The following TANK variants were observed in gnomAD, a reference collection of about 807,000 sequenced individuals.
TANK encodes the protein TRAF family member-associated NF-kappa-B activator.
In TANK, 15 loss-of-function variants were observed where a neutral mutation model predicts 43.6. That is an observed-to-expected ratio of 0.34 (90% CI 0.23 to 0.53). The LOEUF is 0.53. Among genes scored for constraint, TANK ranks in the 20% least tolerant of loss-of-function variants. TANK has a pLI of 0.94. For missense variants in TANK, 417 were observed against 498.6 expected (o/e 0.84, Z 1.56); for synonymous variants, 162 against 178.2 (o/e 0.91, Z 0.73).
intron 2 of TANK, among the ~76,000 whole-genome samples, chr2:161,185,352 T>A (rs1574001348): frequency 1.3e-5 from 2 of 151,868 alleles, no homozygotes; most frequent in East Asian, 3.9e-4. Context: ...TTAAGTTGAG[T>A]GGGAAGGGCA....
intron 2 of TANK, among the ~76,000 whole-genome samples, chr2:161,184,738 C>A (rs539014584): frequency 2.6e-5 from 4 of 152,090 alleles, no homozygotes; most frequent in African/African-American, 9.6e-5. Flanking sequence ...TGACTGAAAC[C>A]AAGGATGGAT....
chr2:161,199,854 G>A (rs779252644), intron 2 of TANK, among the ~76,000 whole-genome samples: 11 of 152,136 alleles, frequency 7.2e-5, no homozygotes, highest in Non-Finnish European at 1.5e-4. Context: ...GACCAGCCTG[G>A]GCAGCATAGT....
At chr2:161,193,713 G>C (rs778602536) in intron 2 of TANK, among the ~76,000 whole-genome samples, 2 of 152,196 alleles carry the variant, frequency 1.3e-5, no homozygotes, top group Non-Finnish European at 2.9e-5. Flanking sequence ...CAGTGAGAAG[G>C]GGAAGAGAAG....
intron 2 of TANK, among the ~76,000 whole-genome samples, chr2:161,198,273 C>T (rs1408628554): frequency 6.6e-6 from 1 of 152,244 alleles, no homozygotes; most frequent in East Asian, 1.9e-4. Flanking sequence ...GTAGGGCAAA[C>T]ATTAAACCCT....
At chr2:161,176,326 G>A (rs778990506) in intron 1 of TANK, among the ~76,000 whole-genome samples, 57 of 152,148 alleles carry the variant, frequency 3.7e-4, no homozygotes, top group Non-Finnish European at 5.4e-4. Flanking sequence ...GGTCAGTGTT[G>A]CTGATCTAAC....
chr2:161,199,315 A>G (rs1231966606), intron 2 of TANK, among the ~76,000 whole-genome samples: 5 of 151,880 alleles, frequency 3.3e-5, no homozygotes, highest in Non-Finnish European at 5.9e-5. Flanking sequence ...AAGCAGTGAT[A>G]TTTTTGAGAA....
intron 1 of TANK, among the ~76,000 whole-genome samples, chr2:161,172,328 T>C (rs193171226): frequency 6.6e-6 from 1 of 151,804 alleles, no homozygotes; most frequent in African/African-American, 2.4e-5. Context: ...TCTATTGTTT[T>C]CTTTTCAAAA....
At chr2:161,168,095 C>T (rs1444982010) in intron 1 of TANK, among the ~76,000 whole-genome samples, 1 of 152,120 alleles carries the variant, frequency 6.6e-6, no homozygotes, top group East Asian at 1.9e-4. Flanking sequence ...TACTTGGCAT[C>T]ACATAGTAGG....
chr2:161,235,252 A>G (rs1688123912), intron 7 of TANK, 90 bp from the exon 8 acceptor site: 12 of 1,147,450 alleles, frequency 1.0e-5, no homozygotes, highest in East Asian at 2.5e-5. Context: ...ATATATGCCC[A>G]TGCGTAACTC....
At chr2:161,166,686 C>T (rs908279226) in intron 1 of TANK, among the ~76,000 whole-genome samples, 1 of 151,984 alleles carries the variant, frequency 6.6e-6, no homozygotes, top group Non-Finnish European at 1.5e-5. Context: ...ACTCAGAAGG[C>T]TGAGGTGGAA....
At chr2:161,181,827 A>G (rs893028958) in intron 2 of TANK, among the ~76,000 whole-genome samples, 1 of 152,090 alleles carries the variant, frequency 6.6e-6, no homozygotes, top group African/African-American at 2.4e-5. Context: ...TTGCACCTAA[A>G]CCTTTCTGAA....
At position 161,138,550 on chromosome 2, in the gene TANK, C is replaced by T. The variant is rs573265396; in HGVS notation, c.-50+1487C>T. ...TCACTCACCCACTCCCATCTCTTCA[C>T]TCCCTCCAGGATACACTTCCACATG... On this transcript the variant is annotated intron_variant, in intron 1 of 7. Transcript: ENST00000259075. 9.2e-5 allele frequency among the ~76,000 whole-genome samples: 14 copies of T among 152,314 alleles called. No individual in the cohort carries two copies. The South Asian group carries it at 2.3e-3, about 25-fold the overall frequency.
At chr2:161,178,492 A>C (rs942270056) in intron 1 of TANK, among the ~76,000 whole-genome samples, 1 of 151,958 alleles carries the variant, frequency 6.6e-6, no homozygotes, top group Admixed American at 6.6e-5. Flanking sequence ...AATGCTTACC[A>C]GGAGATGGGG....
At chr2:161,178,475 AAAG>A (rs1248532440) in intron 1 of TANK, among the ~76,000 whole-genome samples, 1 of 152,062 alleles carries the variant, frequency 6.6e-6, no homozygotes, top group Non-Finnish European at 1.5e-5. Context: ...AAAAAAAAAA[AAAG>A]ATTAATGCTT....
intron 2 of TANK, among the ~76,000 whole-genome samples, chr2:161,195,043 A>G (rs1157189518): frequency 6.6e-6 from 1 of 152,218 alleles, no homozygotes; most frequent in Admixed American, 6.5e-5. Context: ...CCACGTTATC[A>G]GAATGGAAGA....
chr2:161,142,329 A>C (rs1683773469), intron 1 of TANK, among the ~76,000 whole-genome samples: 1 of 152,176 alleles, frequency 6.6e-6, no homozygotes, highest in African/African-American at 2.4e-5. Context: ...TAGTTTAATT[A>C]GATCTGATTT....
chr2:161,144,154 G>A (rs934930136), intron 1 of TANK, among the ~76,000 whole-genome samples: 1 of 152,092 alleles, frequency 6.6e-6, no homozygotes, highest in Non-Finnish European at 1.5e-5. Context: ...GGTCAGAGGT[G>A]ATATTCCCTT....
At chr2:161,179,810 T>A in intron 2 of TANK, 49 bp downstream of exon 2, 1 of 1,559,690 alleles carries the variant, frequency 6.4e-7, no homozygotes, top group Middle Eastern at 1.7e-4. Context: ...GTACATGGAA[T>A]TTTAGAGCCT....
At chr2:161,210,003 T>C (rs1686808830) in intron 4 of TANK, among the ~76,000 whole-genome samples, 1 of 152,250 alleles carries the variant, frequency 6.6e-6, no homozygotes, top group African/African-American at 2.4e-5. Context: ...AAACATGTCT[T>C]TATTTTTCAT....
Sources: gnomAD v4.1 joint callset for allele counts (sites outside exome capture counted in the v4.1 genomes callset) on GRCh38, gnomAD v4.1.1 for gene constraint, MANE v1.5 for transcripts, NCBI Gene and HGNC (gene_info 2026-07-23, HGNC 2026-07-21) for gene names.